Variants in TNN observed in about 807,000 individuals in gnomAD.
TNN encodes the protein tenascin-N.
A neutral mutation model predicts 134.4 loss-of-function variants in TNN; 122 were observed. The observed-to-expected ratio is 0.91, with a 90% CI of 0.78 to 1.06. TNN has a LOEUF of 1.06. Among genes scored for constraint, TNN ranks in the 50% least tolerant of loss-of-function variants. TNN has a pLI of 0.00. For synonymous variants in TNN, 710 were observed against 670.3 expected (o/e 1.06, Z -0.91); for missense variants, 1,739 against 1,699.4 (o/e 1.02, Z -0.41).
chr1:175,085,025 G>A (rs1674291684), intron 5 of TNN, among the ~76,000 whole-genome samples: 1 of 152,158 alleles, frequency 6.6e-6, no homozygotes, highest in Non-Finnish European at 1.5e-5. Context: ...TAGGCTAAAT[G>A]TCACAATGAG....
chr1:175,122,162 A>G (rs1031981688), intron 11 of TNN, among the ~76,000 whole-genome samples: 34 of 151,520 alleles, frequency 2.2e-4, no homozygotes, highest in Admixed American at 2.0e-4. Context: ...AGGCTGAGGT[A>G]GGTGAATTGC....
rs1302012845 is a variant in TNN, at chr1:175,137,119, A to G, written c.3595+131A>G. The G allele has an allele frequency of 1.4e-5, 13 of 956,026 alleles. No homozygotes were observed. In the African/African-American group the frequency reaches 2.0e-4, roughly 14 times the overall value. The allele number at this position is 956,026 out of a possible 1,614,324, so 59.2% of individuals were successfully genotyped here. On this transcript the variant is annotated intron_variant, in intron 17 of 18. Transcript: ENST00000239462. ...GGTGAATTGTTCTCATTGACAGTGG[A>G]GGTCCTACTCTCTGCAGGGGGTCAG...
At chr1:175,078,105 G>A (rs546356681) in intron 2 of TNN, among the ~76,000 whole-genome samples, 3 of 152,194 alleles carry the variant, frequency 2.0e-5, no homozygotes, top group Non-Finnish European at 4.4e-5. Context: ...TCCAGGAGCC[G>A]TCATACCTGT....
chr1:175,147,094 C>T lies in TNN; in HGVS notation c.*23C>T. The T allele has an allele frequency of 6.6e-7, 1 of 1,524,342 alleles. No individual in the cohort carries two copies. The highest frequency in any genetic ancestry group is 1.4e-5 in the African/African-American group (1 of 72,218). 94.4% of individuals were successfully genotyped at this position (1,524,342 alleles called of 1,614,324 possible). ...TGATGGCCCGTGTGAGCAGTCCTCG[C>T]AGGAGACACCACCAGCTGTGGCAGC... On this transcript the variant is annotated 3_prime_UTR_variant, in exon 19 of 19. Transcript: ENST00000239462.
rs984005970 is a variant in TNN at position 175,147,324 on chromosome 1, C to T, written c.*253C>T. On this transcript the variant is annotated 3_prime_UTR_variant, in exon 19 of 19. Coordinates refer to ENST00000239462, the MANE Select transcript of TNN (RefSeq NM_022093.2). ...GTACTGGAACGGCAAGGTTTCTCAG[C>T]TTATCTTCAGCAACATATATACTGG... The T allele has an allele frequency of 2.8e-6, 1 of 359,688 alleles. No homozygotes were observed. The highest frequency in any genetic ancestry group is 4.5e-5 in the Admixed American group (1 of 22,090). The allele number at this position is 359,688 out of a possible 1,614,324, so 22.3% of individuals were successfully genotyped here.
intron 17 of TNN, among the ~76,000 whole-genome samples, chr1:175,138,171 ACTT>A (rs1460300738): frequency 6.6e-6 from 1 of 152,170 alleles, no homozygotes; most frequent in Admixed American, 6.5e-5. Context: ...TGTGAACAGA[ACTT>A]CTGAGTGTCT....
chr1:175,135,801 G>A (rs1574177794), intron 15 of TNN, 44 bp from the exon 16 acceptor site: 2 of 1,490,288 alleles, frequency 1.3e-6, no homozygotes, highest in East Asian at 4.5e-5. Flanking sequence ...CAGCACCTAT[G>A]TCTGTTTGGA....
chr1:175,125,458 C>T (rs531322779), intron 12 of TNN, among the ~76,000 whole-genome samples: 9 of 151,958 alleles, frequency 5.9e-5, no homozygotes, highest in Admixed American at 1.3e-4. Context: ...CTTACCCACG[C>T]GTTCCCTCTA....
chr1:175,095,871 G>A (rs549358766), intron 7 of TNN, among the ~76,000 whole-genome samples: 271 of 152,296 alleles, frequency 1.8e-3, no homozygotes, highest in Non-Finnish European at 2.8e-3. Context: ...CACCACGCCC[G>A]GCCCATTTTT....
chr1:175,116,827 G>T, intron 9 of TNN, 112 bp from the exon 10 acceptor site: 1 of 1,432,116 alleles, frequency 7.0e-7, no homozygotes, highest in South Asian at 1.2e-5. Flanking sequence ...ACCAGCATAT[G>T]ATATGGAGAA....
At chr1:175,127,970 C>T in intron 13 of TNN, 62 bp from the exon 14 acceptor site, 2 of 1,600,406 alleles carry the variant, frequency 1.2e-6, no homozygotes, top group Non-Finnish European at 1.7e-6. Flanking sequence ...CTGTTGACAC[C>T]TAGGGTGCTA....
At chr1:175,133,366 C>G (rs965742783) in intron 15 of TNN, among the ~76,000 whole-genome samples, 31 of 152,204 alleles carry the variant, frequency 2.0e-4, no homozygotes, top group African/African-American at 7.2e-4. Flanking sequence ...TTGGCCCGTT[C>G]CAGTTTGGCT....
chr1:175,139,286 G>A (rs1352492632), intron 17 of TNN, among the ~76,000 whole-genome samples: 5 of 151,752 alleles, frequency 3.3e-5, no homozygotes, highest in East Asian at 3.9e-4. Context: ...GTAACACTTC[G>A]CTTAAAACAT....
intron 15 of TNN, among the ~76,000 whole-genome samples, chr1:175,135,615 C>A (rs1675780026): frequency 1.3e-5 from 2 of 152,214 alleles, no homozygotes; most frequent in Admixed American, 1.3e-4. Context: ...AGGGCAGGAA[C>A]CTTCTCTGCT....
At chr1:175,120,587 G>A (rs1675325180) in intron 11 of TNN, among the ~76,000 whole-genome samples, 1 of 152,160 alleles carries the variant, frequency 6.6e-6, no homozygotes, top group Non-Finnish European at 1.5e-5. Flanking sequence ...GTAGCCAGTG[G>A]GAAGAGGCAT....
At position 175,118,692 on chromosome 1, in the gene TNN, G is replaced by C; in HGVS notation, c.2518G>C (p.Glu840Gln). 1 of 1,614,252 alleles carries C rather than the reference G, an allele frequency of 6.2e-7. No individual in the cohort carries two copies. Among genetic ancestry groups the C allele is most frequent in the East Asian group, 2.2e-5 (1 of 44,886 alleles). The stretch of plus-strand genomic sequence containing the variant: ...CACGTCTGCCAACGGAGAGACCAGG[G>C]AGGTTCCAGTGGGGAAGGAGCAGAG... ...HYTSANGETR[E>Q]VPVGKEQSST... Residue 840 changes from glutamate (E) to glutamine (Q), a missense_variant, in exon 11 of 19, where the codon GAG (glutamate) becomes CAG (glutamine). Coordinates refer to ENST00000239462, the MANE Select transcript of TNN (RefSeq NM_022093.2).
chr1:175,133,524 T>C (rs778884107), intron 15 of TNN, among the ~76,000 whole-genome samples: 9 of 152,230 alleles, frequency 5.9e-5, no homozygotes, highest in Non-Finnish European at 8.8e-5. Context: ...TTTGTGGCTT[T>C]TGTGATTCCA....
At chr1:175,106,345 A>G (rs970632303) in intron 9 of TNN, among the ~76,000 whole-genome samples, 1 of 145,602 alleles carries the variant, frequency 6.9e-6, no homozygotes, top group Non-Finnish European at 1.5e-5. Flanking sequence ...ACAATTTCTG[A>G]GGCTCCCCAT....
chr1:175,139,351 T>A (rs1258609814), intron 17 of TNN, among the ~76,000 whole-genome samples: 2 of 152,232 alleles, frequency 1.3e-5, no homozygotes, highest in Non-Finnish European at 2.9e-5. Flanking sequence ...CCATATTCTG[T>A]AAGTTTTTTT....
Sources: gnomAD v4.1 joint callset for allele counts (sites outside exome capture counted in the v4.1 genomes callset) on GRCh38, gnomAD v4.1.1 for gene constraint, MANE v1.5 for transcripts, NCBI Gene and HGNC (gene_info 2026-07-23, HGNC 2026-07-21) for gene names.